Variants in RGS22 observed in about 807,000 individuals in gnomAD.
RGS22 encodes regulator of G-protein signaling 22.
Under a neutral mutation model 172.9 loss-of-function variants are expected in RGS22, and 148 were observed. The ratio of observed to expected loss-of-function variants is 0.86; its 90% CI spans 0.75 to 0.98. The LOEUF (loss-of-function observed/expected upper bound fraction) is 0.98, where lower values mean the gene tolerates loss of function less well. RGS22 is among the 50% of genes least tolerant of loss of function. RGS22 has a pLI of 0.00. For missense variants in RGS22, 1,347 were observed against 1,440.8 expected (o/e 0.93, Z 1.05); for synonymous variants, 458 against 480.2 (o/e 0.95, Z 0.60).
intron 2 of RGS22, among the ~76,000 whole-genome samples, chr8:100,100,355 T>C (rs2446912): frequency 0.45 from 67,381 of 150,842 alleles, 15,583 homozygotes; most frequent in Admixed American, 0.56. Context: ...AATGGCATGA[T>C]CTGGGCTCAC....
At chr8:99,965,198 A>C in intron 24 of RGS22, 137 bp downstream of exon 24, 1 of 455,506 alleles carries the variant, frequency 2.2e-6, no homozygotes, top group Non-Finnish European at 3.9e-6. Context: ...AACTCCCTTC[A>C]ATCTCTCCTA....
chr8:99,970,792 C>T (rs977018433), intron 23 of RGS22, among the ~76,000 whole-genome samples: 3 of 152,140 alleles, frequency 2.0e-5, no homozygotes, highest in African/African-American at 7.2e-5. Flanking sequence ...CCAAATTCTA[C>T]CAGAGGTACA....
chr8:99,994,523 C>A (rs965157311), intron 20 of RGS22, among the ~76,000 whole-genome samples: 7 of 152,018 alleles, frequency 4.6e-5, no homozygotes, highest in African/African-American at 1.7e-4. Context: ...AATTGCTACA[C>A]AGAGAATAAA....
chr8:100,056,608 C>T (rs975338536), intron 9 of RGS22, among the ~76,000 whole-genome samples: 1 of 152,146 alleles, frequency 6.6e-6, no homozygotes, highest in African/African-American at 2.4e-5. Context: ...GGGCAAGGCA[C>T]AGCTTGGGCC....
chr8:100,090,323 G>C (rs551143101), intron 3 of RGS22, among the ~76,000 whole-genome samples: 1 of 152,120 alleles, frequency 6.6e-6, no homozygotes, highest in African/African-American at 2.4e-5. Flanking sequence ...CAATTACATG[G>C]TGAGATTTGA....
intron 3 of RGS22, among the ~76,000 whole-genome samples, chr8:100,086,149 T>C (rs908941094): frequency 6.6e-6 from 1 of 151,940 alleles, no homozygotes; most frequent in African/African-American, 2.4e-5. Context: ...TAAAGGAGCA[T>C]GACACCTACC....
chr8:100,098,265 A>G (rs569346045), intron 2 of RGS22, among the ~76,000 whole-genome samples: 1 of 152,314 alleles, frequency 6.6e-6, no homozygotes, highest in Non-Finnish European at 1.5e-5. Context: ...GAACATTTTT[A>G]CTGAATAATT....
intron 18 of RGS22, among the ~76,000 whole-genome samples, chr8:100,000,139 G>A (rs1001782193): frequency 2.6e-5 from 4 of 152,106 alleles, no homozygotes; most frequent in Non-Finnish European, 4.4e-5. Flanking sequence ...GCTACTAATA[G>A]CTTTTTCCTG....
At chr8:100,068,410 TAC>T (rs1491195753) in intron 6 of RGS22, among the ~76,000 whole-genome samples, 23 of 152,178 alleles carry the variant, frequency 1.5e-4, no homozygotes, top group Admixed American at 3.3e-4. Flanking sequence ...TATATATATA[TAC>T]AGTGTTAAAG....
intron 16 of RGS22, among the ~76,000 whole-genome samples, chr8:100,004,341 T>C (rs1195402315): frequency 1.3e-5 from 2 of 152,110 alleles, no homozygotes; most frequent in East Asian, 3.8e-4. Flanking sequence ...AAATATTTAC[T>C]ATACAAAGCA....
At chr8:100,079,155 C>G (rs1811567578) in intron 4 of RGS22, among the ~76,000 whole-genome samples, 1 of 152,192 alleles carries the variant, frequency 6.6e-6, no homozygotes, top group African/African-American at 2.4e-5. Context: ...AATTTCTATT[C>G]ACTGAAGGAA....
intron 19 of RGS22, 46 bp from the exon 20 acceptor site, chr8:99,996,576 G>A (rs765372051): frequency 6.8e-7 from 1 of 1,466,274 alleles, no homozygotes; most frequent in Non-Finnish European, 9.5e-7. Context: ...CAGACTAAAG[G>A]CTTGAAATCA....
chr8:100,064,057 T>C lies in RGS22; in HGVS notation c.725-14A>G. ...AGATAAAATTCTCTGTATTAAGTCA[T>C]AAAAAGCTATTAGATTAGATATGAA... On this transcript the variant is annotated splice_polypyrimidine_tract_variant and intron_variant, in intron 7 of 27. Coordinates refer to ENST00000360863, the MANE Select transcript of RGS22 (RefSeq NM_015668.5). 1 of 1,475,538 alleles carries C rather than the reference T, an allele frequency of 6.8e-7. No individual in the cohort carries two copies. Among genetic ancestry groups the C allele is most frequent in the Non-Finnish European group, 9.0e-7 (1 of 1,114,768 alleles). The allele number at this position is 1,475,538 out of a possible 1,614,324, so 91.4% of individuals were successfully genotyped here. A position where few individuals can be genotyped will look rare whatever the true frequency, so the allele number is the denominator to read the frequency against.
intron 21 of RGS22, among the ~76,000 whole-genome samples, chr8:99,984,788 G>GAC (rs111285438): frequency 0.22 from 30,739 of 139,494 alleles, 3,389 homozygotes; most frequent in African/African-American, 0.3. Flanking sequence ...AGTCTTTACG[G>GAC]ACACACACAC....
At chr8:100,062,019 C>G (rs554022790) in intron 9 of RGS22, among the ~76,000 whole-genome samples, 1 of 152,164 alleles carries the variant, frequency 6.6e-6, no homozygotes, top group Non-Finnish European at 1.5e-5. Context: ...GAACTGGAGG[C>G]CATTATCCTC....
At chr8:100,078,772 G>T (rs574349165) in intron 4 of RGS22, among the ~76,000 whole-genome samples, 84 of 152,200 alleles carry the variant, frequency 5.5e-4, no homozygotes, top group African/African-American at 1.9e-3. Context: ...GACTACAAGT[G>T]TACGCCACCA....
At chr8:99,975,133 G>T (rs1443724035) in intron 23 of RGS22, among the ~76,000 whole-genome samples, 1 of 151,004 alleles carries the variant, frequency 6.6e-6, no homozygotes, top group Non-Finnish European at 1.5e-5. Flanking sequence ...GCGACAGAGT[G>T]AGACTCCATC....
At chr8:100,070,273 T>C (rs1319036183) in intron 6 of RGS22, among the ~76,000 whole-genome samples, 1 of 152,176 alleles carries the variant, frequency 6.6e-6, no homozygotes, top group Non-Finnish European at 1.5e-5. Context: ...TGTAAAATTT[T>C]TATCAATCCT....
chr8:99,968,422 TAACA>T (rs1810987505), intron 23 of RGS22, among the ~76,000 whole-genome samples: 1 of 151,950 alleles, frequency 6.6e-6, no homozygotes, highest in Non-Finnish European at 1.5e-5. Flanking sequence ...AGGTGGGTAA[TAACA>T]AACTCTTCTG....
Sources: gnomAD v4.1 joint callset for allele counts (sites outside exome capture counted in the v4.1 genomes callset) on GRCh38, gnomAD v4.1.1 for gene constraint, MANE v1.5 for transcripts, NCBI Gene and HGNC (gene_info 2026-07-23, HGNC 2026-07-21) for gene names.